SUZ12: variants seen among roughly 807,000 people sequenced by gnomAD.
SUZ12 encodes the protein SUZ12 polycomb repressive complex 2 subunit.
In SUZ12, 17 loss-of-function variants were observed where a neutral mutation model predicts 87.3. The observed-to-expected ratio is 0.19, with a 90% CI of 0.13 to 0.29. The LOEUF is 0.29. Ranked by LOEUF, SUZ12 falls within the 10% of genes least tolerant of loss-of-function variation. The probability of loss-of-function intolerance (pLI) is 1.00; values close to 1 mark genes in which losing one functional copy is unlikely to be tolerated. For missense variants in SUZ12, 526 were observed against 912.2 expected, an observed-to-expected ratio of 0.58 and a Z score of 5.45; for synonymous variants, 253 against 312.4, an observed-to-expected ratio of 0.81 and a Z score of 2.01.
intron 4 of SUZ12, among the ~76,000 whole-genome samples, chr17:31,959,090 A>T (rs1356119672): frequency 1.3e-5 from 2 of 152,098 alleles, no homozygotes; most frequent in African/African-American, 2.4e-5. Context: ...CATTAATAAG[A>T]TCTGATGTTT....
intron 9 of SUZ12, among the ~76,000 whole-genome samples, chr17:31,983,667 A>G (rs1242159755): frequency 6.6e-6 from 1 of 152,196 alleles, no homozygotes; most frequent in African/African-American, 2.4e-5. Flanking sequence ...TTACTTATCC[A>G]TGTCTCAGTT....
chr17:31,944,767 C>G (rs1034813274), intron 3 of SUZ12, among the ~76,000 whole-genome samples: 1 of 152,030 alleles, frequency 6.6e-6, no homozygotes, highest in Non-Finnish European at 1.5e-5. Flanking sequence ...AGTACTTAAC[C>G]TTACGTAATT....
rs749728756 is a variant in SUZ12 at position 31,998,951 on chromosome 17, A to G, written c.2168A>G (p.Glu723Gly). 28 of 1,606,668 alleles carry G rather than the reference A, an allele frequency of 1.7e-5. No homozygotes were observed. The highest frequency in any genetic ancestry group is 2.1e-5 in the Non-Finnish European group (25 of 1,177,892). ...SEINSKEKAL[E>G]TDSVSGVSKQ... Reference sequence around the variant, plus strand: ...ATTAACTCAAAAGAGAAAGCTTTGGAAACAGATAGTGTCTCAGGGGTTTCA... The same window carrying G: ...ATTAACTCAAAAGAGAAAGCTTTGGGAACAGATAGTGTCTCAGGGGTTTCA... The change falls in exon 16 of 16, where the codon GAA (glutamate) becomes GGA (glycine). Residue 723 changes from glutamate to glycine, a missense_variant. Glu to Gly is a moderately conservative substitution (Grantham distance 98, BLOSUM62 -2). Coordinates refer to ENST00000322652, the MANE Select transcript of SUZ12 (RefSeq NM_015355.4).
chr17:31,942,099 G>A (rs1225153868), intron 3 of SUZ12, among the ~76,000 whole-genome samples: 1 of 152,036 alleles, frequency 6.6e-6, no homozygotes, highest in Non-Finnish European at 1.5e-5. Flanking sequence ...AGATCTTCCC[G>A]CCTTGGCCTC....
chr17:31,942,062 C>G (rs539134114), intron 3 of SUZ12, among the ~76,000 whole-genome samples: 7 of 152,162 alleles, frequency 4.6e-5, no homozygotes, highest in South Asian at 2.1e-4. Context: ...CTATGTTGGC[C>G]AAGCTGGTCT....
rs184112254 is a variant in SUZ12 at position 31,945,022 on chromosome 17, G to A, written c.387-2595G>A. Among the ~76,000 whole-genome samples, 414 of 145,928 alleles carry A rather than the reference G, an allele frequency of 2.8e-3. 3 individuals carry two copies. The highest frequency in any genetic ancestry group is 0.01 in the African/African-American group (392 of 39,110). ...GTTCGAAGGTTGCTATGAATGTGCC[G>A]GTGCACTCTAGCCTGGGCAGTAGAG... On this transcript the variant is annotated intron_variant, in intron 3 of 15. Transcript: ENST00000322652.
chr17:31,984,061 GTAA>G, intron 9 of SUZ12, among the ~76,000 whole-genome samples: 1 of 152,040 alleles, frequency 6.6e-6, no homozygotes, highest in East Asian at 1.9e-4. Flanking sequence ...TAAGTATTTA[GTAA>G]TACTAAGGGA....
intron 4 of SUZ12, among the ~76,000 whole-genome samples, chr17:31,953,880 AT>A (rs1222979895): frequency 6.6e-6 from 1 of 150,722 alleles, no homozygotes; most frequent in Non-Finnish European, 1.5e-5. Flanking sequence ...CTCCCAGCTA[AT>A]TTTTGTATTT....
At chr17:31,951,971 C>T (rs1907012556) in intron 4 of SUZ12, among the ~76,000 whole-genome samples, 1 of 152,044 alleles carries the variant, frequency 6.6e-6, no homozygotes, top group Non-Finnish European at 1.5e-5. Flanking sequence ...GACAGGGTTT[C>T]ACCATGTTGG....
At chr17:31,954,297 G>A (rs761323472) in intron 4 of SUZ12, among the ~76,000 whole-genome samples, 2 of 152,114 alleles carry the variant, frequency 1.3e-5, no homozygotes, top group African/African-American at 2.4e-5. Flanking sequence ...TCCTGACCTC[G>A]TGTTCTGCCC....
chr17:31,951,481 T>A (rs1200791598), intron 4 of SUZ12, among the ~76,000 whole-genome samples: 2 of 149,424 alleles, frequency 1.3e-5, no homozygotes, highest in Admixed American at 6.7e-5. Flanking sequence ...GGTGGTTAGT[T>A]CTTTTTTTTT....
At chr17:31,956,790 A>T (rs72823787) in intron 4 of SUZ12, among the ~76,000 whole-genome samples, 15,130 of 151,536 alleles carry the variant, frequency 0.1, 1,025 homozygotes, top group South Asian at 0.15. Context: ...ATATATATAT[A>T]TTTTTTGGTT....
At chr17:31,978,059 ATTT>A (rs1373714549) in intron 8 of SUZ12, among the ~76,000 whole-genome samples, 1 of 152,034 alleles carries the variant, frequency 6.6e-6, no homozygotes, top group East Asian at 1.9e-4. Flanking sequence ...CAAATCCAGC[ATTT>A]TTTCTTTTTG....
At chr17:31,969,924 C>A (rs1159461146) in intron 5 of SUZ12, among the ~76,000 whole-genome samples, 2 of 151,948 alleles carry the variant, frequency 1.3e-5, no homozygotes, top group Non-Finnish European at 2.9e-5. Flanking sequence ...TTCTTATTTT[C>A]TTACTATTAA....
intron 4 of SUZ12, among the ~76,000 whole-genome samples, chr17:31,962,319 A>T (rs1486676145): frequency 6.6e-6 from 1 of 152,158 alleles, no homozygotes; most frequent in Non-Finnish European, 1.5e-5. Flanking sequence ...GGCCAGGCGC[A>T]GTGGCTCACA....
chr17:31,989,593 G>GT (rs11343645), intron 10 of SUZ12, among the ~76,000 whole-genome samples: 65 of 149,320 alleles, frequency 4.4e-4, no homozygotes, highest in Non-Finnish European at 6.8e-4. Flanking sequence ...GTTTTTTTTT[G>GT]TTTTTTTTGT....
chr17:31,939,612 C>T (rs1188407832), intron 1 of SUZ12, among the ~76,000 whole-genome samples: 1 of 152,014 alleles, frequency 6.6e-6, no homozygotes, highest in Non-Finnish European at 1.5e-5. Context: ...CAGCCTCCGC[C>T]TCCCAGGTTC....
chr17:31,959,676 T>A (rs921746212), intron 4 of SUZ12, among the ~76,000 whole-genome samples: 1 of 152,224 alleles, frequency 6.6e-6, no homozygotes, highest in African/African-American at 2.4e-5. Flanking sequence ...TTCATGTATA[T>A]AAATTAGAGG....
chr17:31,991,039 G>A (rs886478441), intron 10 of SUZ12, among the ~76,000 whole-genome samples: 18 of 152,172 alleles, frequency 1.2e-4, no homozygotes, highest in Admixed American at 4.6e-4. Context: ...GAGCCATTGC[G>A]CCTGGCCAAG....
Sources: allele counts gnomAD v4.1 joint callset (sites outside exome capture counted in the v4.1 genomes callset), GRCh38; gene constraint gnomAD v4.1.1; transcripts MANE v1.5; gene names NCBI Gene and HGNC (gene_info 2026-07-23, HGNC 2026-07-21).